The following ARHGAP20 variants were observed in gnomAD, a reference collection of about 807,000 sequenced individuals.
The protein encoded by ARHGAP20 is rho GTPase-activating protein 20.
Under a neutral mutation model 73.7 loss-of-function variants are expected in ARHGAP20, and 34 were observed. The observed-to-expected ratio is 0.46, with a 90% CI of 0.35 to 0.61. The LOEUF (loss-of-function observed/expected upper bound fraction) is 0.61. Among genes scored for constraint, ARHGAP20 ranks in the 20% least tolerant of loss-of-function variants. The probability of loss-of-function intolerance (pLI) is 0.00; values close to 1 mark genes in which losing one functional copy is unlikely to be tolerated. For synonymous variants in ARHGAP20, 523 were observed against 518.2 expected (o/e 1.01, Z -0.13); for missense variants, 1,314 against 1,420.9 (o/e 0.92, Z 1.21).
intron 2 of ARHGAP20, among the ~76,000 whole-genome samples, chr11:110,676,916 T>G (rs1949943811): frequency 2.0e-5 from 3 of 152,156 alleles, no homozygotes. Flanking sequence ...TCAAGCTAAT[T>G]AACATTATTT....
chr11:110,602,036 T>C (rs1280686105), intron 9 of ARHGAP20, among the ~76,000 whole-genome samples: 2 of 151,778 alleles, frequency 1.3e-5, no homozygotes, highest in Non-Finnish European at 2.9e-5. Context: ...AACATGACCA[T>C]ACTCATTCAC....
intron 3 of ARHGAP20, among the ~76,000 whole-genome samples, chr11:110,625,037 T>TTTA (rs1948710771): frequency 1.5e-5 from 2 of 137,738 alleles, no homozygotes; most frequent in South Asian, 2.2e-4. Flanking sequence ...TTTTTATTTT[T>TTTA]TTTTTTTTTT....
intron 1 of ARHGAP20, among the ~76,000 whole-genome samples, chr11:110,701,722 C>T (rs1368024478): frequency 1.3e-5 from 2 of 152,026 alleles, no homozygotes; most frequent in African/African-American, 4.8e-5. Context: ...TTAGGTCTAA[C>T]GTTTAAGTCT....
chr11:110,710,381 G>T (rs1370122624), intron 1 of ARHGAP20, among the ~76,000 whole-genome samples: 2 of 151,626 alleles, frequency 1.3e-5, no homozygotes, highest in African/African-American at 2.4e-5. Flanking sequence ...CTTGATAAAT[G>T]ATAATAAAGC....
intron 11 of ARHGAP20, chr11:110,589,410 T>C: frequency 1.0e-6 from 1 of 985,316 alleles, no homozygotes; most frequent in Non-Finnish European, 1.2e-6. Context: ...TGAAGTAACA[T>C]TCTGTAAGCA....
chr11:110,593,251 T>C (rs1461279525), intron 9 of ARHGAP20, among the ~76,000 whole-genome samples: 2 of 152,178 alleles, frequency 1.3e-5, no homozygotes, highest in African/African-American at 4.8e-5. Flanking sequence ...CAGTAAGGTA[T>C]GGTTTTATAC....
intron 2 of ARHGAP20, among the ~76,000 whole-genome samples, chr11:110,664,947 G>A (rs1190129313): frequency 6.6e-6 from 1 of 152,036 alleles, no homozygotes; most frequent in African/African-American, 2.4e-5. Context: ...CTGCCTCAAC[G>A]ATCTATAGAT....
chr11:110,622,707 A>G (rs1199854122), intron 4 of ARHGAP20, among the ~76,000 whole-genome samples: 1 of 152,066 alleles, frequency 6.6e-6, no homozygotes. Context: ...TATCCTGCAT[A>G]ATATAGCTCA....
At chr11:110,588,478 A>G (rs1401854872) in intron 11 of ARHGAP20, among the ~76,000 whole-genome samples, 2 of 152,232 alleles carry the variant, frequency 1.3e-5, no homozygotes, top group African/African-American at 4.8e-5. Flanking sequence ...ATTCAAAAAC[A>G]AGAAATAAAA....
intron 2 of ARHGAP20, among the ~76,000 whole-genome samples, chr11:110,642,592 G>T (rs2134988073): frequency 6.6e-6 from 1 of 152,190 alleles, no homozygotes; most frequent in East Asian, 1.9e-4. Context: ...CATGTTTATT[G>T]ATTTGTGTAT....
At chr11:110,611,274 AT>A in intron 7 of ARHGAP20, 34 bp downstream of exon 7, 5 of 1,352,278 alleles carry the variant, frequency 3.7e-6, no homozygotes, top group Middle Eastern at 3.7e-4. Context: ...ATCAAAGTTT[AT>A]TTTTAATTAA....
rs529804683 is a variant in ARHGAP20 at position 110,577,817 on chromosome 11, T to C, written c.*1553A>G. ...CACCTATAGCTAATACTGAAATAAC[T>C]TCTTCTATCTTAGAGAAAATATTTT... On this transcript the variant is annotated 3_prime_UTR_variant, in exon 15 of 15. Transcript: ENST00000683387. 9.1e-6 allele frequency: 9 copies of C among 985,764 alleles called. No homozygotes were observed. In the African/African-American group the frequency reaches 1.4e-4, roughly 15 times the overall value. 61.1% of individuals were successfully genotyped at this position (985,764 alleles called of 1,614,324 possible).
chr11:110,696,088 T>C (rs1266776234), intron 1 of ARHGAP20, among the ~76,000 whole-genome samples: 1 of 151,656 alleles, frequency 6.6e-6, no homozygotes, highest in East Asian at 1.9e-4. Flanking sequence ...ATTATATGAT[T>C]TCATTTATAT....
intron 2 of ARHGAP20, among the ~76,000 whole-genome samples, chr11:110,652,400 G>A (rs1022077126): frequency 9.2e-5 from 14 of 152,078 alleles, no homozygotes; most frequent in African/African-American, 3.4e-4. Flanking sequence ...GATCAGGCAA[G>A]ATAAAGAAAT....
rs1330318008 is a variant in ARHGAP20 at position 110,577,157 on chromosome 11, A to C, written c.*2213T>G. 4 of 1,534,850 alleles carry C rather than the reference A, an allele frequency of 2.6e-6. No homozygotes were observed. The highest frequency in any genetic ancestry group is 2.4e-5 in the South Asian group (2 of 83,804). Reference sequence around the variant, plus strand: ...TTTAAAAGTTAGCAGCAGTTTCTGCAAGTACAAAAATACACATTTATTACA... The same window carrying C: ...TTTAAAAGTTAGCAGCAGTTTCTGCCAGTACAAAAATACACATTTATTACA... On this transcript the variant is annotated 3_prime_UTR_variant, in exon 15 of 15. Coordinates refer to ENST00000683387, the MANE Select transcript of ARHGAP20 (RefSeq NM_001384657.1).
At chr11:110,680,722 T>G (rs912809359) in intron 2 of ARHGAP20, among the ~76,000 whole-genome samples, 2 of 152,114 alleles carry the variant, frequency 1.3e-5, no homozygotes, top group Non-Finnish European at 2.9e-5. Context: ...GAGACTAAAT[T>G]TAATCTCCTA....
In ARHGAP20 at chr11:110,590,703, C is replaced by A. The variant is rs2134825871; in HGVS notation, c.1250G>T (p.Gly417Val). The A allele has an allele frequency of 6.2e-7, 1 of 1,614,062 alleles. No individual in the cohort carries two copies. The highest frequency in any genetic ancestry group is 8.5e-7 in the Non-Finnish European group (1 of 1,179,982). ...CRELKEKLNS[G>V]VEVHLDCESI... ...TTCACAGTCTAGGTGTACTTCGACT[C>A]CAGAATTCAATTTCTCTTTTAGTTC... Residue 417 changes from glycine to valine, a missense_variant, in exon 11 of 15, where the codon GGA becomes GTA. By Grantham distance (109) the Gly-to-Val change is moderately radical. Transcript: ENST00000683387.
At position 110,680,527 on chromosome 11, in the gene ARHGAP20, A is replaced by T. The variant is rs529552620; in HGVS notation, c.188+10020T>A. 7.9e-5 allele frequency among the ~76,000 whole-genome samples: 12 copies of T among 152,274 alleles called. No homozygotes were observed. In the South Asian group the frequency reaches 1.5e-3, roughly 18 times the overall value. On this transcript the variant is annotated intron_variant, in intron 2 of 14. Coordinates refer to ENST00000683387, the MANE Select transcript of ARHGAP20 (RefSeq NM_001384657.1). Reference sequence around the variant, plus strand: ...GCTATCCCTATGAACAGGGGTGAGGAAGGGCAAATAAACATGCACTAATGA... The same window carrying T: ...GCTATCCCTATGAACAGGGGTGAGGTAGGGCAAATAAACATGCACTAATGA...
rs1947801712 is a variant in ARHGAP20, at chr11:110,590,641, T to G, written c.1305+7A>C. The G allele has an allele frequency of 6.2e-7, 1 of 1,611,862 alleles. No individual in the cohort carries two copies. The highest frequency in any genetic ancestry group is 8.5e-7 in the Non-Finnish European group (1 of 1,179,158). On this transcript the variant is annotated splice_region_variant and intron_variant, in intron 11 of 14. Transcript: ENST00000683387. ...CATGGGGTGGATAAAGGGATGACTC[T>G]TCTTACCTTTAAGACAGATGCTATC... is the stretch of plus-strand genomic sequence containing the variant.
Sources: gnomAD v4.1 joint callset for allele counts (sites outside exome capture counted in the v4.1 genomes callset) on GRCh38, gnomAD v4.1.1 for gene constraint, MANE v1.5 for transcripts, NCBI Gene and HGNC (gene_info 2026-07-23, HGNC 2026-07-21) for gene names.